MYO7B: variants seen among roughly 807,000 people sequenced by gnomAD.
MYO7B encodes the protein unconventional myosin-VIIb.
MYO7B carries 212 observed loss-of-function variants against 259.7 expected under a neutral mutation model. The ratio of observed to expected loss-of-function variants is 0.82; its 90% CI spans 0.73 to 0.91. MYO7B has a LOEUF of 0.91. Ranked by LOEUF, MYO7B falls within the 40% of genes least tolerant of loss-of-function variation. The pLI is 0.00. For missense variants in MYO7B, 2,732 were observed against 2,813.5 expected, an observed-to-expected ratio of 0.97 and a Z score of 0.66; for synonymous variants, 1,197 against 1,166.4, an observed-to-expected ratio of 1.03 and a Z score of -0.54.
At chr2:127,552,738 T>G (rs1693493790) in intron 1 of MYO7B, among the ~76,000 whole-genome samples, 1 of 152,140 alleles carries the variant, frequency 6.6e-6, no homozygotes, top group Non-Finnish European at 1.5e-5. Context: ...GAATCCAGAA[T>G]CTGGAAGCAA....
At chr2:127,633,087 C>T (rs7559165) in intron 39 of MYO7B, among the ~76,000 whole-genome samples, 171 bp from the exon 40 acceptor site, 6,659 of 152,282 alleles carry the variant, frequency 0.044, 511 homozygotes, top group African/African-American at 0.15. Flanking sequence ...TCTGAGGCCG[C>T]GTGGAGCCAG....
intron 28 of MYO7B, among the ~76,000 whole-genome samples, chr2:127,622,583 C>G (rs1235436262): frequency 6.6e-6 from 1 of 152,132 alleles, no homozygotes; most frequent in African/African-American, 2.4e-5. Flanking sequence ...AGCACACCTG[C>G]ACCCGGCTCT....
intron 2 of MYO7B, among the ~76,000 whole-genome samples, chr2:127,563,917 A>G (rs1678210479): frequency 6.6e-6 from 1 of 152,200 alleles, no homozygotes; most frequent in Non-Finnish European, 1.5e-5. Flanking sequence ...TGTTCTTGTC[A>G]GCTTATTGTC....
chr2:127,583,280 G>A (rs11693296), intron 12 of MYO7B, among the ~76,000 whole-genome samples: 31,425 of 152,114 alleles, frequency 0.21, 3,829 homozygotes, highest in African/African-American at 0.32. Flanking sequence ...ATTTAGAAGG[G>A]CCCCCCTTGG....
rs933105378 is a variant in MYO7B at position 127,609,191 on chromosome 2, C to A, written c.2814+313C>A. On this transcript the variant is annotated intron_variant, in intron 22 of 47. Coordinates refer to ENST00000409816, the MANE Select transcript of MYO7B (RefSeq NM_001393586.1). This position sits in a 1 kb window ranked among gnomAD's most constrained non-coding sequence, Gnocchi z 6.9. ...GGCACCCCCAGAGCACCTTTGAGGC[C>A]GCTGCTCTGCAGTGTGGCTGAGGAA... Among the ~76,000 whole-genome samples the A allele has an allele frequency of 6.6e-6, 1 of 152,144 alleles. No individual in the cohort carries two copies. The highest frequency in any genetic ancestry group is 1.9e-4 in the East Asian group (1 of 5,180).
Position 127,577,729 on chromosome 2 carries a change from A to G in MYO7B, c.850-404A>G, listed in dbSNP as rs149426735. Among the ~76,000 whole-genome samples the G allele has an allele frequency of 3.3e-3, 496 of 152,316 alleles. 3 individuals are homozygous for G. Among genetic ancestry groups the G allele is most frequent in the Non-Finnish European group, 4.5e-3 (309 of 68,012 alleles). On this transcript the variant is annotated intron_variant, in intron 8 of 47. Transcript: ENST00000409816. This position sits in a 1 kb window ranked among gnomAD's most constrained non-coding sequence, Gnocchi z 5.2. ...GTGGTCTGGGCACCTGTAACAGGCAAATGGCCATGGCACGGTCACTGGCTC... is the reference window on the plus strand; with the variant it reads ...GTGGTCTGGGCACCTGTAACAGGCAGATGGCCATGGCACGGTCACTGGCTC...
intron 6 of MYO7B, among the ~76,000 whole-genome samples, chr2:127,570,121 C>T (rs1317739511): frequency 3.9e-5 from 6 of 152,056 alleles, no homozygotes; most frequent in Non-Finnish European, 7.4e-5. Flanking sequence ...AAACTTCCAC[C>T]AGGTGTGTTT....
At chr2:127,555,133 G>T (rs977229685) in intron 1 of MYO7B, among the ~76,000 whole-genome samples, 3 of 151,908 alleles carry the variant, frequency 2.0e-5, no homozygotes, top group Admixed American at 6.6e-5. Flanking sequence ...ATTTTTGTTA[G>T]AGATGGAGTT....
rs781534221 is a variant in MYO7B, at chr2:127,635,231, C to A, written c.5820+5C>A. 8.7e-6 allele frequency: 14 copies of A among 1,609,988 alleles called. No homozygotes were observed. Among genetic ancestry groups the A allele is most frequent in the Non-Finnish European group, 1.2e-5 (14 of 1,177,690 alleles). On this transcript the variant is annotated splice_donor_5th_base_variant and intron_variant, in intron 43 of 47. Transcript: ENST00000409816. Reference sequence around the variant, plus strand: ...ACCATACTCCATTACCACCAGGTACCGGGCAGGCTGCCCTGGTGGGCACTG... The same window carrying A: ...ACCATACTCCATTACCACCAGGTACAGGGCAGGCTGCCCTGGTGGGCACTG...
chr2:127,564,730 C>T (rs1403316659), intron 3 of MYO7B, among the ~76,000 whole-genome samples: 1 of 152,192 alleles, frequency 6.6e-6, no homozygotes, highest in Non-Finnish European at 1.5e-5. Flanking sequence ...AGATTGTCCT[C>T]TGTGCTCAGC....
chr2:127,581,776 C>A, intron 10 of MYO7B, 115 bp from the exon 11 acceptor site: 1 of 1,430,042 alleles, frequency 7.0e-7, no homozygotes, highest in Non-Finnish European at 9.4e-7. Context: ...CGCCCACCCT[C>A]CGGTGGGCAT....
intron 39 of MYO7B, among the ~76,000 whole-genome samples, chr2:127,632,940 G>A (rs1042632184): frequency 1.3e-5 from 2 of 152,166 alleles, no homozygotes; most frequent in Middle Eastern, 3.2e-3. Context: ...AGAGTCCCTG[G>A]CCCCTGCCCG....
intron 19 of MYO7B, among the ~76,000 whole-genome samples, chr2:127,600,538 C>T (rs112878890): frequency 2.6e-5 from 4 of 152,094 alleles, no homozygotes; most frequent in African/African-American, 7.2e-5. Context: ...GGCGAAACCC[C>T]GTCTCTACTA....
rs112226325 is a variant in MYO7B, at chr2:127,629,045, G to A, written c.4624+510G>A. On this transcript the variant is annotated intron_variant, in intron 34 of 47. Coordinates refer to ENST00000409816, the MANE Select transcript of MYO7B (RefSeq NM_001393586.1). ...TGTCTGTGGGCTATGGGGGAGCATG[G>A]CAAAGCCCCAGGACCCCCGCTGGGC... 3.3e-3 allele frequency among the ~76,000 whole-genome samples: 505 copies of A among 152,340 alleles called. 5 individuals carry two copies. Among genetic ancestry groups the A allele is most frequent in the African/African-American group, 0.011 (465 of 41,574 alleles).
chr2:127,562,482 G>GTTTTTTT lies in MYO7B; in HGVS notation c.19-1653_19-1647dup, dbSNP rs56290548. 6.0e-3 allele frequency among the ~76,000 whole-genome samples: 366 copies of GTTTTTTT among 60,790 alleles called. 3 individuals carry two copies. The highest frequency in any genetic ancestry group is 7.3e-3 in the Non-Finnish European group (256 of 35,292). The allele number at this position is 60,790 out of a possible 152,430, so 39.9% of individuals were successfully genotyped here. On this transcript the variant is annotated intron_variant, in intron 2 of 47. Coordinates refer to ENST00000409816, the MANE Select transcript of MYO7B (RefSeq NM_001393586.1). ...CAGCTAATTTTTGTGGGGTTTTATT[G>GTTTTTTT]TTTTTTTTTTTTTTTTTTTTTTTTG... is the stretch of plus-strand genomic sequence containing the variant.
At chr2:127,605,968 C>A in intron 20 of MYO7B, 40 bp downstream of exon 20, 2 of 1,511,598 alleles carry the variant, frequency 1.3e-6, no homozygotes, top group South Asian at 1.1e-5. Context: ...GCGGGACCAG[C>A]GGGTAACTGT....
In MYO7B at chr2:127,592,790, A is replaced by G. The variant is rs761918718; in HGVS notation, c.1993-4A>G. On this transcript the variant is annotated splice_region_variant and splice_polypyrimidine_tract_variant and intron_variant, in intron 16 of 47. Transcript: ENST00000409816. Reference sequence around the variant, plus strand: ...CTGGGTCAGCGCCCGGTGTCCGCCCACAGCTGTTCGACCGGGAGCTGTGCC... The same window carrying G: ...CTGGGTCAGCGCCCGGTGTCCGCCCGCAGCTGTTCGACCGGGAGCTGTGCC... 3.7e-6 allele frequency: 6 copies of G among 1,608,436 alleles called. No individual in the cohort carries two copies. The highest frequency in any genetic ancestry group is 1.1e-5 in the South Asian group (1 of 90,014).
At chr2:127,570,618 T>TAA (rs1678559581) in intron 6 of MYO7B, among the ~76,000 whole-genome samples, 2 of 152,224 alleles carry the variant, frequency 1.3e-5, no homozygotes, top group South Asian at 4.1e-4. Flanking sequence ...TTACATATAG[T>TAA]AAATATTCAC....
chr2:127,590,052 G>T lies in MYO7B; in HGVS notation c.1855-40G>T. The stretch of plus-strand genomic sequence containing the variant: ...ACAGGGTCAGCTGTCCCAGGACATG[G>T]CTCCTGAGACCCACTTGTGCTCTGT... On this transcript the variant is annotated intron_variant, in intron 15 of 47. Coordinates refer to ENST00000409816, the MANE Select transcript of MYO7B (RefSeq NM_001393586.1). The surrounding 1 kb of genome is among the most constrained non-coding windows in gnomAD (Gnocchi z 4.6). 1 of 1,551,266 alleles carries T rather than the reference G, an allele frequency of 6.4e-7. No homozygotes were observed. The highest frequency in any genetic ancestry group is 8.7e-7 in the Non-Finnish European group (1 of 1,146,736).
Sources: allele counts gnomAD v4.1 joint callset (sites outside exome capture counted in the v4.1 genomes callset), GRCh38; gene constraint gnomAD v4.1.1; non-coding constraint Gnocchi (gnomAD v3.1); transcripts MANE v1.5; gene names NCBI Gene and HGNC (gene_info 2026-07-23, HGNC 2026-07-21).